Variants in ARHGEF3 observed in about 807,000 individuals in gnomAD.
ARHGEF3 encodes the protein 59.8 kDA protein.
A neutral mutation model predicts 63.2 loss-of-function variants in ARHGEF3; 28 were observed. That is an observed-to-expected ratio of 0.44 (90% CI 0.33 to 0.61). ARHGEF3 has a LOEUF of 0.61. ARHGEF3 is among the 20% of genes least tolerant of loss of function. The pLI is 0.03. For missense variants in ARHGEF3, 533 were observed against 659.3 expected, an observed-to-expected ratio of 0.81 and a Z score of 2.10; for synonymous variants, 266 against 254.2, an observed-to-expected ratio of 1.05 and a Z score of -0.44.
At chr3:56,885,069 G>A (rs952777127) in intron 3 of ARHGEF3, among the ~76,000 whole-genome samples, 1 of 152,148 alleles carries the variant, frequency 6.6e-6, no homozygotes, top group Non-Finnish European at 1.5e-5. Flanking sequence ...TTGGAGCACT[G>A]TACTGAGAAG....
chr3:56,860,810 T>A (rs1180943818), intron 4 of ARHGEF3, among the ~76,000 whole-genome samples: 1 of 152,178 alleles, frequency 6.6e-6, no homozygotes, highest in African/African-American at 2.4e-5. Context: ...ATCTGCCTAA[T>A]GGTTGGTGGG....
rs547587252 is a variant in ARHGEF3, at chr3:56,780,172, C to T, written c.97-6356G>A. Among the ~76,000 whole-genome samples, 15 of 152,282 alleles carry T rather than the reference C, an allele frequency of 9.9e-5. No individual in the cohort carries two copies. The South Asian group carries it at 1.0e-3, about 11-fold the overall frequency. On this transcript the variant is annotated intron_variant, in intron 1 of 9. Transcript: ENST00000296315. ...CTGCCCAAAAACAGACAGATAATGA[C>T]GATGAGCACATAGCACAGTACTTTG...
At chr3:57,068,459 T>G (rs994108569) in intron 1 of ARHGEF3, among the ~76,000 whole-genome samples, 1 of 152,230 alleles carries the variant, frequency 6.6e-6, no homozygotes, top group Non-Finnish European at 1.5e-5. Flanking sequence ...GCCAATTCTC[T>G]CGCCTCAAAA....
chr3:56,980,540 C>G (rs748912968), intron 2 of ARHGEF3, among the ~76,000 whole-genome samples: 1 of 152,142 alleles, frequency 6.6e-6, no homozygotes, highest in South Asian at 2.1e-4. Flanking sequence ...GGAATAATCA[C>G]GTTATCTACC....
chr3:56,744,934 T>A (rs1421893634), intron 7 of ARHGEF3, among the ~76,000 whole-genome samples: 1 of 152,208 alleles, frequency 6.6e-6, no homozygotes, highest in Non-Finnish European at 1.5e-5. Flanking sequence ...TAACACCAGA[T>A]TAGAGTCACC....
intron 3 of ARHGEF3, chr3:56,916,169 A>C: frequency 8.4e-7 from 1 of 1,194,932 alleles, no homozygotes; most frequent in Non-Finnish European, 1.1e-6. Context: ...AGGTGCTTTT[A>C]ACAGCAGCTC....
At chr3:57,073,631 G>A in intron 1 of ARHGEF3, 2 of 1,540,262 alleles carry the variant, frequency 1.3e-6, no homozygotes, top group Admixed American at 2.0e-5. Flanking sequence ...GCTCCTCAGG[G>A]ATTGGCTCCG....
chr3:56,819,760 A>G (rs917014672), intron 4 of ARHGEF3, among the ~76,000 whole-genome samples: 6 of 151,536 alleles, frequency 4.0e-5, no homozygotes, highest in African/African-American at 1.5e-4. Context: ...GGCTCAAACA[A>G]TCCTCCTGCC....
intron 1 of ARHGEF3, among the ~76,000 whole-genome samples, chr3:57,059,683 G>T (rs931513715): frequency 1.3e-5 from 2 of 152,100 alleles, no homozygotes; most frequent in African/African-American, 4.8e-5. Flanking sequence ...TGCCTGATGG[G>T]GTGACAATGA....
At chr3:56,992,403 A>C (rs1160483233) in intron 2 of ARHGEF3, among the ~76,000 whole-genome samples, 2,446 of 138,002 alleles carry the variant, frequency 0.018, 165 homozygotes, top group African/African-American at 0.065. Flanking sequence ...AAAAAAAAAA[A>C]AAAAAAAAAA....
chr3:57,042,905 G>T (rs1336813570), intron 1 of ARHGEF3, among the ~76,000 whole-genome samples: 1 of 150,920 alleles, frequency 6.6e-6, no homozygotes, highest in African/African-American at 2.4e-5. Context: ...CACCATGTTA[G>T]CCAGGATGGT....
rs1354648526 is a variant in ARHGEF3 at position 56,983,859 on chromosome 3, C to G, written c.63-24970G>C. 2.0e-5 allele frequency among the ~76,000 whole-genome samples: 3 copies of G among 147,494 alleles called. No individual in the cohort carries two copies. The East Asian group carries it at 6.2e-4, about 30-fold the overall frequency. On this transcript the variant is annotated intron_variant, in intron 2 of 12. Transcript: ENST00000338458. ...GCTGAGGCAGGAGAATTGCTTGAAC[C>G]TTGGGGGCGGAGGTTGCAGTGAGCT...
At chr3:56,895,467 TATTTA>T (rs2041269919) in intron 3 of ARHGEF3, among the ~76,000 whole-genome samples, 6 of 132,486 alleles carry the variant, frequency 4.5e-5, no homozygotes, top group South Asian at 2.2e-4. Context: ...TTTATTTATT[TATTTA>T]TTTTTTTTTG....
intron 3 of ARHGEF3, among the ~76,000 whole-genome samples, chr3:56,896,590 T>C (rs928985989): frequency 2.0e-5 from 3 of 152,236 alleles, no homozygotes; most frequent in African/African-American, 7.2e-5. Context: ...TCACGTGTTC[T>C]TGAGTCTCCT....
chr3:56,844,539 A>G (rs1219793898), intron 4 of ARHGEF3, among the ~76,000 whole-genome samples: 1 of 152,220 alleles, frequency 6.6e-6, no homozygotes, highest in Non-Finnish European at 1.5e-5. Context: ...TAAAAGGAAA[A>G]GGAAAATAAC....
intron 2 of ARHGEF3, among the ~76,000 whole-genome samples, chr3:56,984,444 G>A (rs919044956): frequency 6.6e-6 from 1 of 152,132 alleles, no homozygotes; most frequent in Non-Finnish European, 1.5e-5. Flanking sequence ...TATGTTACAA[G>A]GAAGGGAGGG....
chr3:57,009,303 C>G (rs1281865873), intron 2 of ARHGEF3, among the ~76,000 whole-genome samples: 1 of 152,174 alleles, frequency 6.6e-6, no homozygotes, highest in Non-Finnish European at 1.5e-5. Context: ...TGGAGATCCA[C>G]CAACTTGGGG....
chr3:56,855,703 G>A (rs2108165278), intron 4 of ARHGEF3, among the ~76,000 whole-genome samples: 1 of 151,642 alleles, frequency 6.6e-6, no homozygotes, highest in African/African-American at 2.4e-5. Context: ...AAGTACTCTG[G>A]GCTGCCTGTC....
intron 8 of ARHGEF3, among the ~76,000 whole-genome samples, chr3:56,735,939 C>A (rs1022090125): frequency 3.3e-5 from 5 of 152,064 alleles, no homozygotes; most frequent in African/African-American, 1.2e-4. Context: ...TATTAAGAAC[C>A]CTTCAATCTA....
Sources: allele counts gnomAD v4.1 joint callset (sites outside exome capture counted in the v4.1 genomes callset), GRCh38; gene constraint gnomAD v4.1.1; transcripts MANE v1.5; gene names NCBI Gene and HGNC (gene_info 2026-07-23, HGNC 2026-07-21).